The following RFX3 variants were observed in gnomAD, a reference collection of about 807,000 sequenced individuals.
The protein encoded by RFX3 is regulatory factor X3.
Under a neutral mutation model 98.6 loss-of-function variants are expected in RFX3, and 14 were observed. The ratio of observed to expected loss-of-function variants is 0.14; its 90% CI spans 0.09 to 0.22. The LOEUF is 0.22. Among genes scored for constraint, RFX3 ranks in the 10% least tolerant of loss-of-function variants. The probability of loss-of-function intolerance (pLI) is 1.00; values close to 1 mark genes in which losing one functional copy is unlikely to be tolerated. For synonymous variants in RFX3, 383 were observed against 328.4 expected (o/e 1.17, Z -1.80); for missense variants, 639 against 926.9 (o/e 0.69, Z 4.03).
At chr9:3,296,529 C>A (rs1170945056) in intron 5 of RFX3, among the ~76,000 whole-genome samples, 3 of 151,790 alleles carry the variant, frequency 2.0e-5, no homozygotes, top group African/African-American at 7.3e-5. Flanking sequence ...TTCAAAAAAT[C>A]AGTTTGTTTA....
At chr9:3,510,791 T>A (rs1313819508) in intron 1 of RFX3, among the ~76,000 whole-genome samples, 4 of 152,052 alleles carry the variant, frequency 2.6e-5, no homozygotes, top group Non-Finnish European at 5.9e-5. Context: ...ATTCACATAT[T>A]GTTTGGCTCA....
intron 1 of RFX3, among the ~76,000 whole-genome samples, chr9:3,397,225 A>G (rs1175332077): frequency 6.6e-6 from 1 of 152,188 alleles, no homozygotes; most frequent in Non-Finnish European, 1.5e-5. Flanking sequence ...TTTACTACTT[A>G]TGCATTCAAT....
At chr9:3,392,936 CT>C (rs1777483660) in intron 2 of RFX3, among the ~76,000 whole-genome samples, 1 of 151,874 alleles carries the variant, frequency 6.6e-6, no homozygotes, top group African/African-American at 2.4e-5. Flanking sequence ...ACTGAATTTA[CT>C]GAATTTACTG....
At chr9:3,226,539 G>T (rs146472344) in intron 16 of RFX3, among the ~76,000 whole-genome samples, 1 of 152,128 alleles carries the variant, frequency 6.6e-6, no homozygotes, top group African/African-American at 2.4e-5. Flanking sequence ...TGTGTGTCAC[G>T]CATTAGTGAC....
At position 3,458,888 on chromosome 9, in the gene RFX3, G is replaced by A. The variant is rs187336889; in HGVS notation, c.-8-63292C>T. On this transcript the variant is annotated intron_variant, in intron 1 of 16. Transcript: ENST00000617270. ...AGCTGACAGGGAATAAGTAGTTACA[G>A]ACAAAAGCAGCATCTTCAAACTCAA... is the stretch of plus-strand genomic sequence containing the variant. Among the ~76,000 whole-genome samples the A allele has an allele frequency of 3.3e-5, 5 of 152,274 alleles. No individual in the cohort carries two copies. In the East Asian group the frequency reaches 9.6e-4, roughly 29 times the overall value.
intron 2 of RFX3, among the ~76,000 whole-genome samples, chr9:3,356,080 GA>G (rs34751371): frequency 0.36 from 54,333 of 149,464 alleles, 11,202 homozygotes; most frequent in East Asian, 0.55. Flanking sequence ...ATATTAGGGG[GA>G]AAAAAATCTA....
At chr9:3,375,991 C>G (rs564449400) in intron 2 of RFX3, among the ~76,000 whole-genome samples, 6 of 151,858 alleles carry the variant, frequency 4.0e-5, no homozygotes, top group Non-Finnish European at 7.4e-5. Context: ...AAATTAGGTA[C>G]TTACTACTTT....
At chr9:3,275,427 CTTGA>C (rs1563842948) in intron 9 of RFX3, 69 bp downstream of exon 9, 1 of 829,556 alleles carries the variant, frequency 1.2e-6, no homozygotes, top group East Asian at 2.5e-5. Flanking sequence ...TAGGAATAAG[CTTGA>C]TTATTTTATA....
rs1817264169 is a variant in RFX3 at position 3,220,152 on chromosome 9, A to G, written c.*4890T>C. ...AACGTATTAAAGTTTTGGAGCATAG[A>G]TAAAATTATGCCCTGTGTGAAATTC... is the stretch of plus-strand genomic sequence containing the variant. On this transcript the variant is annotated 3_prime_UTR_variant, in exon 17 of 17. Coordinates refer to ENST00000617270, the MANE Select transcript of RFX3 (RefSeq NM_001282116.2). 1 of 152,210 alleles carries G rather than the reference A, an allele frequency of 6.6e-6. No homozygotes were observed. The highest frequency in any genetic ancestry group is 1.5e-5 in the Non-Finnish European group (1 of 68,036). The allele number at this position is 152,210 out of a possible 1,614,324, so 9.4% of individuals were successfully genotyped here. A position where few individuals can be genotyped will look rare whatever the true frequency, so the allele number is the denominator to read the frequency against.
At chr9:3,378,460 T>C (rs1403874455) in intron 2 of RFX3, among the ~76,000 whole-genome samples, 1 of 152,132 alleles carries the variant, frequency 6.6e-6, no homozygotes, top group East Asian at 1.9e-4. Flanking sequence ...ATATGATATG[T>C]ATAAGTTTCT....
intron 2 of RFX3, among the ~76,000 whole-genome samples, chr9:3,364,014 C>T (rs1243440195): frequency 6.6e-6 from 1 of 152,094 alleles, no homozygotes; most frequent in African/African-American, 2.4e-5. Context: ...TAGCTGGGAC[C>T]ACAGGTGTGT....
rs568923944 is a variant in RFX3, at chr9:3,420,767, T to C, written c.-8-25171A>G. On this transcript the variant is annotated intron_variant, in intron 1 of 16. Coordinates refer to ENST00000617270, the MANE Select transcript of RFX3 (RefSeq NM_001282116.2). ...TAACTGCCTTCATTCATCACTACTG[T>C]TCTTTCCTTTACTTCCTTACCTCCA... 20 of 984,242 alleles carry C rather than the reference T, an allele frequency of 2.0e-5. No individual in the cohort carries two copies. The African/African-American group carries it at 3.3e-4, about 16-fold the overall frequency. 61.0% of individuals were successfully genotyped at this position (984,242 alleles called of 1,614,324 possible).
At chr9:3,430,914 A>T (rs1282599901) in intron 1 of RFX3, among the ~76,000 whole-genome samples, 3 of 152,212 alleles carry the variant, frequency 2.0e-5, no homozygotes, top group Non-Finnish European at 4.4e-5. Flanking sequence ...ACTACCATAA[A>T]ATATATATAA....
At chr9:3,339,074 G>A (rs941546605) in intron 3 of RFX3, among the ~76,000 whole-genome samples, 4 of 152,006 alleles carry the variant, frequency 2.6e-5, no homozygotes, top group African/African-American at 9.7e-5. Context: ...GGGCGACAGA[G>A]CAAGACTCCA....
intron 2 of RFX3, among the ~76,000 whole-genome samples, chr9:3,382,959 T>C (rs1274969132): frequency 2.6e-5 from 4 of 152,162 alleles, no homozygotes; most frequent in African/African-American, 9.6e-5. Flanking sequence ...TAAATACCTA[T>C]GGCTATTGAC....
At position 3,477,597 on chromosome 9, in the gene RFX3, C is replaced by T. The variant is rs562807524; in HGVS notation, c.-9+48150G>A. On this transcript the variant is annotated intron_variant, in intron 1 of 16. Coordinates refer to ENST00000617270, the MANE Select transcript of RFX3 (RefSeq NM_001282116.2). Reference sequence around the variant, plus strand: ...TTCTCCTGCTACTTTCAAGATTTTTCTTTAAATTCAACTATGATGGGTCTA... The same window carrying T: ...TTCTCCTGCTACTTTCAAGATTTTTTTTTAAATTCAACTATGATGGGTCTA... Among the ~76,000 whole-genome samples the T allele has an allele frequency of 1.4e-3, 208 of 152,224 alleles. 5 individuals carry two copies. The South Asian group carries it at 0.04, about 29-fold the overall frequency.
At chr9:3,524,567 A>C (rs1160710736) in intron 1 of RFX3, 2 of 982,190 alleles carry the variant, frequency 2.0e-6, no homozygotes, top group Non-Finnish European at 2.4e-6. Context: ...AAAAAAAAAA[A>C]AACTCTTAAA....
At chr9:3,277,571 A>T in intron 7 of RFX3, 110 bp from the exon 8 acceptor site, 1 of 881,000 alleles carries the variant, frequency 1.1e-6, no homozygotes, top group Non-Finnish European at 1.7e-6. Context: ...TTAACGTCTC[A>T]TGATAGTTGT....
At chr9:3,453,627 T>G (rs575069762) in intron 1 of RFX3, 1 of 154,630 alleles carries the variant, frequency 6.5e-6, no homozygotes, top group East Asian at 1.9e-4. Flanking sequence ...TGAGAATTAC[T>G]TGAACCCAGA....
Sources: allele counts gnomAD v4.1 joint callset (sites outside exome capture counted in the v4.1 genomes callset), GRCh38; gene constraint gnomAD v4.1.1; transcripts MANE v1.5; gene names NCBI Gene and HGNC (gene_info 2026-07-23, HGNC 2026-07-21).